CUBN: variants seen among roughly 807,000 people sequenced by gnomAD.
The protein encoded by CUBN is cubilin.
In CUBN, 282 loss-of-function variants were observed where a neutral mutation model predicts 405.3. That is an observed-to-expected ratio of 0.70 (90% confidence interval 0.63 to 0.77). CUBN has a LOEUF of 0.77. Among genes scored for constraint, CUBN ranks in the 30% least tolerant of loss-of-function variants. The pLI is 0.00. For missense variants in CUBN, 4,514 were observed against 4,475.2 expected (o/e 1.01, Z -0.25); for synonymous variants, 1,684 against 1,617.0 (o/e 1.04, Z -0.99).
At chr10:16,881,060 T>A (rs1157023128) in intron 56 of CUBN, among the ~76,000 whole-genome samples, 1 of 152,224 alleles carries the variant, frequency 6.6e-6, no homozygotes, top group East Asian at 1.9e-4. Context: ...ACTGGAATTT[T>A]AAAAAATTCA....
chr10:16,949,074 A>C (rs60719940), intron 34 of CUBN, among the ~76,000 whole-genome samples: 5,026 of 152,272 alleles, frequency 0.033, 288 homozygotes, highest in African/African-American at 0.11. Flanking sequence ...CCTCACTTGG[A>C]AAAAGGGGCA....
intron 6 of CUBN, among the ~76,000 whole-genome samples, chr10:17,116,982 T>C (rs1836916472): frequency 1.3e-5 from 2 of 152,180 alleles, no homozygotes; most frequent in Non-Finnish European, 2.9e-5. Context: ...ACGACATCAG[T>C]ATATATTTAC....
rs1835656747 is a variant in CUBN at position 17,068,215 on chromosome 10, G to C, written c.2857C>G (p.Pro953Ala). The C allele has an allele frequency of 6.2e-7, 1 of 1,613,678 alleles. No individual in the cohort carries two copies. Among genetic ancestry groups the C allele is most frequent in the East Asian group, 2.2e-5 (1 of 44,874 alleles). Residue 953 changes from proline to alanine, a missense_variant, in exon 21 of 67, where the codon CCC (proline) becomes GCC (alanine). Transcript: ENST00000377833. ...TGCCAAGTACAGTTGATACCGTGGG[G>C]GTAGACATTTGGATGGCCAGGACTT... ...IQSPGHPNVY[P>A]HGINCTWHIL...
chr10:17,110,075 C>G lies in CUBN; in HGVS notation c.1016-340G>C, dbSNP rs548307146. Among the ~76,000 whole-genome samples the G allele has an allele frequency of 1.1e-4, 17 of 152,112 alleles. No homozygotes were observed. The Middle Eastern group carries it at 0.01, about 91-fold the overall frequency. Reference sequence around the variant, plus strand: ...CTTAGAGGTCAATTATTATAGAAGCCCAAAGTACTGTAGTTCCATGTTATT... The same window carrying G: ...CTTAGAGGTCAATTATTATAGAAGCGCAAAGTACTGTAGTTCCATGTTATT... On this transcript the variant is annotated intron_variant, in intron 9 of 66. Transcript: ENST00000377833.
At chr10:17,005,206 G>A (rs1381011470) in intron 28 of CUBN, among the ~76,000 whole-genome samples, 2 of 152,114 alleles carry the variant, frequency 1.3e-5, no homozygotes, top group Non-Finnish European at 2.9e-5. Flanking sequence ...TTCTGATAAC[G>A]TGTCCTGCGT....
intron 28 of CUBN, among the ~76,000 whole-genome samples, chr10:17,001,023 C>A (rs1325978278): frequency 6.6e-6 from 1 of 152,096 alleles, no homozygotes; most frequent in Non-Finnish European, 1.5e-5. Context: ...TCCGGAGTTT[C>A]TTCCTTCTGG....
chr10:16,937,858 T>C (rs1842561010), intron 38 of CUBN, 74 bp from the exon 39 acceptor site: 3 of 1,352,016 alleles, frequency 2.2e-6, no homozygotes, highest in African/African-American at 1.5e-5. Context: ...ATAAAAAAGA[T>C]GCCTTATATT....
At chr10:16,881,002 T>C (rs77057662) in intron 56 of CUBN, among the ~76,000 whole-genome samples, 258 of 152,346 alleles carry the variant, frequency 1.7e-3, no homozygotes, top group Admixed American at 3.9e-3. Context: ...CCAAATTATG[T>C]ACCTTAGTTA....
At position 16,849,988 on chromosome 10, in the gene CUBN, T is replaced by C. The variant is rs532493522; in HGVS notation, c.9663+1247A>G. Among the ~76,000 whole-genome samples, 9 of 152,360 alleles carry C rather than the reference T, an allele frequency of 5.9e-5. No individual in the cohort carries two copies. The South Asian group carries it at 1.9e-3, about 32-fold the overall frequency. ...GGCCATCTTATTTCTTGCTACTCTT[T>C]AGCACTATTCTGCTTCAACACAGCC... is the stretch of plus-strand genomic sequence containing the variant. On this transcript the variant is annotated intron_variant, in intron 60 of 66. Coordinates refer to ENST00000377833, the MANE Select transcript of CUBN (RefSeq NM_001081.4).
chr10:17,081,032 T>C (rs556342951), intron 17 of CUBN, among the ~76,000 whole-genome samples: 11 of 145,732 alleles, frequency 7.5e-5, no homozygotes, highest in Non-Finnish European at 1.5e-4. Context: ...AATTAACATG[T>C]TAATGTGTGT....
chr10:16,951,023 G>A (rs1842908103), intron 33 of CUBN, among the ~76,000 whole-genome samples: 1 of 152,194 alleles, frequency 6.6e-6, no homozygotes, highest in Non-Finnish European at 1.5e-5. Flanking sequence ...AGAACAGCAA[G>A]CACCTGGATA....
chr10:17,088,139 G>A, intron 15 of CUBN, 25 bp downstream of exon 15: 5 of 1,573,982 alleles, frequency 3.2e-6, no homozygotes, highest in Middle Eastern at 1.7e-4. Context: ...ATTGTGATAT[G>A]TTCTATCTAA....
intron 1 of CUBN, 33 bp downstream of exon 1, chr10:17,129,611 C>G: frequency 6.2e-7 from 1 of 1,613,954 alleles, no homozygotes; most frequent in Non-Finnish European, 8.5e-7. Context: ...TTAGCCTAGT[C>G]CCTGAGCAGG....
chr10:16,920,994 C>T (rs1302181038), intron 43 of CUBN, among the ~76,000 whole-genome samples: 3 of 152,168 alleles, frequency 2.0e-5, no homozygotes, highest in Non-Finnish European at 2.9e-5. Context: ...TCCCTCGCTT[C>T]GTGTCTTTCC....
In CUBN at chr10:16,918,758, C is replaced by A; in HGVS notation, c.6864G>T (p.Ser2288=). The A allele has an allele frequency of 1.9e-6, 3 of 1,613,836 alleles. No homozygotes were observed. The South Asian group carries it at 3.3e-5, about 18-fold the overall frequency. The change falls in exon 45 of 67, where the codon TCG becomes TCT. Residue 2288 remains serine (S), a synonymous_variant. Transcript: ENST00000377833. ...NYLELRDGVD[S]DAPILSKFCG... ...AAAATTTGGAAAGTATTGGTGCATC[C>A]GAATCCACTCCATCCCGCAACTCAA... is the stretch of plus-strand genomic sequence containing the variant.
At chr10:16,918,907 A>G in intron 44 of CUBN, 107 bp from the exon 45 acceptor site, 1 of 1,076,352 alleles carries the variant, frequency 9.3e-7, no homozygotes, top group South Asian at 1.4e-5. Context: ...ATCATTTCTT[A>G]GCATAAAAAA....
chr10:17,031,465 C>G (rs977618549), intron 27 of CUBN, among the ~76,000 whole-genome samples: 2 of 152,194 alleles, frequency 1.3e-5, no homozygotes, highest in African/African-American at 4.8e-5. Flanking sequence ...GGAACTTGCC[C>G]AAGGTCACCT....
chr10:17,109,665 T>G lies in CUBN; in HGVS notation c.1086A>C (p.Pro362=). 6.2e-7 allele frequency: 1 copy of G among 1,613,946 alleles called. No homozygotes were observed. Among genetic ancestry groups the G allele is most frequent in the East Asian group, 2.2e-5 (1 of 44,868 alleles). The change falls in exon 10 of 67, where the codon CCA becomes CCC. Residue 362 remains proline (P), a synonymous_variant. Transcript: ENST00000377833. The part of the protein sequence containing the change: ...ICSVSNGGCH[P]DASCSSTLGS... ...CTAGAGTTGAGGAGCATGAGGCATC[T>G]GGGTGGCAGCCTCCATTACTGACTG...
intron 39 of CUBN, among the ~76,000 whole-genome samples, chr10:16,935,891 A>AG (rs1283672391): frequency 6.6e-6 from 1 of 151,042 alleles, no homozygotes; most frequent in East Asian, 1.9e-4. Context: ...AAAAAAAAAA[A>AG]AAAAAGAAAA....
Sources: gnomAD v4.1 joint callset for allele counts (sites outside exome capture counted in the v4.1 genomes callset) on GRCh38, gnomAD v4.1.1 for gene constraint, MANE v1.5 for transcripts, NCBI Gene and HGNC (gene_info 2026-07-23, HGNC 2026-07-21) for gene names.